CEP112: variants seen among roughly 807,000 people sequenced by gnomAD.
CEP112 encodes the protein centrosomal protein of 112 kDa.
CEP112 carries 127 observed loss-of-function variants against 153.0 expected under a neutral mutation model. The observed-to-expected ratio is 0.83, with a 90% confidence interval of 0.72 to 0.96. The LOEUF (loss-of-function observed/expected upper bound fraction) is 0.96, where lower values mean the gene tolerates loss of function less well. Ranked by LOEUF, CEP112 falls within the 40% of genes least tolerant of loss-of-function variation. CEP112 has a pLI of 0.00. For missense variants in CEP112, 1,089 were observed against 1,101.2 expected, an observed-to-expected ratio of 0.99 and a Z score of 0.16; for synonymous variants, 358 against 374.4, an observed-to-expected ratio of 0.96 and a Z score of 0.51.
chr17:65,665,277 G>A (rs2143930731), intron 24 of CEP112, among the ~76,000 whole-genome samples: 1 of 152,182 alleles, frequency 6.6e-6, no homozygotes. Flanking sequence ...GACAATGCAG[G>A]TCAGGACAGG....
chr17:65,652,111 T>C (rs923158866), intron 24 of CEP112, among the ~76,000 whole-genome samples: 1 of 152,218 alleles, frequency 6.6e-6, no homozygotes, highest in African/African-American at 2.4e-5. Flanking sequence ...GATCTCTTTT[T>C]ATATTTTATC....
Position 66,036,363 on chromosome 17 carries a change from G to A in CEP112, c.1219-6340C>T, listed in dbSNP as rs2065740124. 6.0e-5 allele frequency among the ~76,000 whole-genome samples: 8 copies of A among 132,766 alleles called. No homozygotes were observed. The South Asian group carries it at 1.8e-3, about 29-fold the overall frequency. The allele number at this position is 132,766 out of a possible 152,430, so 87.1% of individuals were successfully genotyped here. A position where few individuals can be genotyped will look rare whatever the true frequency, so the allele number is the denominator to read the frequency against. ...GTTAAGAGGGTAGATCTCACACTAT[G>A]TGTTTTTACCACAATAAAAAGAAAA... On this transcript the variant is annotated intron_variant, in intron 12 of 26. Coordinates refer to ENST00000535342, the MANE Select transcript of CEP112 (RefSeq NM_001199165.4).
chr17:65,704,949 C>A (rs1385059051), intron 23 of CEP112, among the ~76,000 whole-genome samples: 1 of 152,198 alleles, frequency 6.6e-6, no homozygotes, highest in Non-Finnish European at 1.5e-5. Flanking sequence ...TTTGAAGTTT[C>A]TTCCACTCCC....
intron 17 of CEP112, among the ~76,000 whole-genome samples, chr17:65,965,612 T>C (rs1175413842): frequency 1.4e-5 from 2 of 145,710 alleles, no homozygotes; most frequent in Admixed American, 1.4e-4. Flanking sequence ...AGCCTTGAAC[T>C]CCTGGACTCA....
chr17:65,714,218 G>T (rs982333576), intron 23 of CEP112, among the ~76,000 whole-genome samples: 5 of 151,848 alleles, frequency 3.3e-5, no homozygotes, highest in Admixed American at 6.6e-5. Context: ...ACATATACAC[G>T]TGTGTATATG....
intron 17 of CEP112, among the ~76,000 whole-genome samples, chr17:65,986,802 GT>G (rs1214838888): frequency 2.0e-5 from 3 of 152,132 alleles, no homozygotes; most frequent in Admixed American, 6.5e-5. Context: ...GCTGACCAAT[GT>G]TTTTATCCAC....
intron 21 of CEP112, among the ~76,000 whole-genome samples, chr17:65,777,340 G>T (rs2053738195): frequency 6.6e-6 from 1 of 152,112 alleles, no homozygotes; most frequent in Admixed American, 6.6e-5. Context: ...TTTAGATTTG[G>T]AGTTTTCTGT....
chr17:65,768,206 AAAGT>A (rs1440945510), intron 21 of CEP112, among the ~76,000 whole-genome samples: 4 of 152,166 alleles, frequency 2.6e-5, no homozygotes, highest in African/African-American at 7.2e-5. Context: ...TTTTTACAGT[AAAGT>A]AAGCTAGGGA....
At chr17:66,052,206 C>G (rs989278558) in intron 12 of CEP112, among the ~76,000 whole-genome samples, 1 of 152,196 alleles carries the variant, frequency 6.6e-6, no homozygotes, top group African/African-American at 2.4e-5. Flanking sequence ...CCCATGCAAC[C>G]ATTTTTGGAA....
Position 65,788,069 on chromosome 17 carries a change from T to G in CEP112, c.2395-37345A>C, listed in dbSNP as rs1356871365. Among the ~76,000 whole-genome samples the G allele has an allele frequency of 3.3e-5, 5 of 152,322 alleles. No homozygotes were observed. In the East Asian group the frequency reaches 9.6e-4, roughly 29 times the overall value. On this transcript the variant is annotated intron_variant, in intron 21 of 26. Coordinates refer to ENST00000535342, the MANE Select transcript of CEP112 (RefSeq NM_001199165.4). Reference sequence around the variant, plus strand: ...CTAAGTTTTTGATTAATATTCTTTATCAGGGTAAGGATACTCCCTCCTATT... The same window carrying G: ...CTAAGTTTTTGATTAATATTCTTTAGCAGGGTAAGGATACTCCCTCCTATT...
In CEP112 at chr17:65,676,711, G is replaced by A. The variant is rs571464937; in HGVS notation, c.2697+12418C>T. 3.9e-5 allele frequency among the ~76,000 whole-genome samples: 6 copies of A among 152,306 alleles called. No homozygotes were observed. The South Asian group carries it at 6.2e-4, about 16-fold the overall frequency. On this transcript the variant is annotated intron_variant, in intron 24 of 26. Coordinates refer to ENST00000535342, the MANE Select transcript of CEP112 (RefSeq NM_001199165.4). Reference sequence around the variant, plus strand: ...AGAGTTTACAGTAAGAGTTCACGCTGAGCTTCATTCAGTTACCATGGCACA... The same window carrying A: ...AGAGTTTACAGTAAGAGTTCACGCTAAGCTTCATTCAGTTACCATGGCACA...
At chr17:66,084,371 GCAGCA>G (rs1436740385) in intron 8 of CEP112, among the ~76,000 whole-genome samples, 1 of 152,186 alleles carries the variant, frequency 6.6e-6, no homozygotes, top group East Asian at 1.9e-4. Context: ...CATGTTTATT[GCAGCA>G]CTAATAACAA....
At chr17:65,637,478 C>G (rs1295250030) in intron 25 of CEP112, among the ~76,000 whole-genome samples, 2 of 152,238 alleles carry the variant, frequency 1.3e-5, no homozygotes, top group Admixed American at 6.5e-5. Context: ...ACCACTGCTG[C>G]TTCCACACCG....
chr17:66,176,689 T>G, intron 3 of CEP112, 141 bp downstream of exon 3: 2 of 525,394 alleles, frequency 3.8e-6, no homozygotes, highest in Non-Finnish European at 3.2e-6. Context: ...GGAAAAAAAT[T>G]GAATCAGGAA....
chr17:65,639,749 C>A (rs2044995487), intron 25 of CEP112, among the ~76,000 whole-genome samples: 1 of 150,908 alleles, frequency 6.6e-6, no homozygotes, highest in South Asian at 2.1e-4. Context: ...TCTCATGATA[C>A]CAACAATACG....
intron 21 of CEP112, among the ~76,000 whole-genome samples, chr17:65,761,046 T>A (rs905696928): frequency 6.6e-6 from 1 of 152,102 alleles, no homozygotes; most frequent in African/African-American, 2.4e-5. Context: ...ATCATAGTAT[T>A]TATTTATAAT....
chr17:66,094,175 T>G (rs1380454584), intron 8 of CEP112, among the ~76,000 whole-genome samples: 2 of 152,156 alleles, frequency 1.3e-5, no homozygotes, highest in African/African-American at 2.4e-5. Flanking sequence ...TTCTCCCGCC[T>G]CAGCCTCCTG....
At chr17:66,066,046 A>G (rs1256746745) in intron 10 of CEP112, among the ~76,000 whole-genome samples, 1 of 152,172 alleles carries the variant, frequency 6.6e-6, no homozygotes, top group Non-Finnish European at 1.5e-5. Flanking sequence ...CTTCTCTCCA[A>G]CTAACCAAGA....
rs114111457 is a variant in CEP112, at chr17:66,064,172, G to A, written c.956-1091C>T. The stretch of plus-strand genomic sequence containing the variant: ...TCCTCTTTAATGAGACTATGTTCAC[G>A]GAGAAGAAAGAGATTTCAACTTTTT... On this transcript the variant is annotated intron_variant, in intron 10 of 26. Coordinates refer to ENST00000535342, the MANE Select transcript of CEP112 (RefSeq NM_001199165.4). 4.6e-3 allele frequency among the ~76,000 whole-genome samples: 693 copies of A among 152,172 alleles called. 5 individuals are homozygous for A. Among genetic ancestry groups the A allele is most frequent in the African/African-American group, 0.016 (666 of 41,524 alleles).
Sources: gnomAD v4.1 joint callset for allele counts (sites outside exome capture counted in the v4.1 genomes callset) on GRCh38, gnomAD v4.1.1 for gene constraint, MANE v1.5 for transcripts, NCBI Gene and HGNC (gene_info 2026-07-23, HGNC 2026-07-21) for gene names.